The following CNTNAP5 variants were observed in gnomAD, a reference collection of about 807,000 sequenced individuals.
The protein encoded by CNTNAP5 is contactin-associated protein-like 5.
CNTNAP5 carries 72 observed loss-of-function variants against 150.2 expected under a neutral mutation model. The observed-to-expected ratio is 0.48, with a 90% CI of 0.40 to 0.58. The LOEUF (loss-of-function observed/expected upper bound fraction) is 0.58, where lower values mean the gene tolerates loss of function less well. Ranked by LOEUF, CNTNAP5 falls within the 20% of genes least tolerant of loss-of-function variation. CNTNAP5 has a pLI of 0.00. For synonymous variants in CNTNAP5, 672 were observed against 619.8 expected, an observed-to-expected ratio of 1.08 and a Z score of -1.25; for missense variants, 1,636 against 1,626.2, an observed-to-expected ratio of 1.01 and a Z score of -0.10.
At chr2:124,716,186 T>A (rs891683420) in intron 13 of CNTNAP5, among the ~76,000 whole-genome samples, 2 of 152,088 alleles carry the variant, frequency 1.3e-5, no homozygotes, top group South Asian at 4.1e-4. Flanking sequence ...TATGAAAAAA[T>A]GATTCGTGCA....
chr2:124,657,492 A>T (rs999325931), intron 13 of CNTNAP5, among the ~76,000 whole-genome samples: 4 of 152,020 alleles, frequency 2.6e-5, no homozygotes, highest in Non-Finnish European at 5.9e-5. Context: ...TCTCCTCACC[A>T]TACTAGACAA....
At chr2:124,836,544 T>A (rs1682833218) in intron 19 of CNTNAP5, among the ~76,000 whole-genome samples, 1 of 152,086 alleles carries the variant, frequency 6.6e-6, no homozygotes, top group Admixed American at 6.6e-5. Context: ...TTACTCATAG[T>A]GGCTATCATG....
intron 3 of CNTNAP5, among the ~76,000 whole-genome samples, chr2:124,379,830 G>A (rs1365199801): frequency 2.0e-5 from 3 of 152,086 alleles, no homozygotes; most frequent in Non-Finnish European, 4.4e-5. Flanking sequence ...GTAGATGGTA[G>A]CATAACCTAT....
At chr2:124,543,480 C>T (rs1875784) in intron 10 of CNTNAP5, among the ~76,000 whole-genome samples, 63,364 of 151,902 alleles carry the variant, frequency 0.42, 13,699 homozygotes, top group East Asian at 0.64. Flanking sequence ...GAGTAGTGAA[C>T]GCTTGTAAAG....
At chr2:124,368,541 G>A (rs1449048055) in intron 3 of CNTNAP5, among the ~76,000 whole-genome samples, 3 of 152,094 alleles carry the variant, frequency 2.0e-5, no homozygotes, top group African/African-American at 4.8e-5. Context: ...TTAGAAGTTA[G>A]TCTATAATAA....
chr2:124,296,524 A>G (rs910784251), intron 3 of CNTNAP5, among the ~76,000 whole-genome samples: 1 of 152,078 alleles, frequency 6.6e-6, no homozygotes, highest in African/African-American at 2.4e-5. Flanking sequence ...CCTCTTATAC[A>G]TGTACACTCC....
chr2:124,579,042 G>T (rs929203136), intron 11 of CNTNAP5, among the ~76,000 whole-genome samples: 1 of 152,144 alleles, frequency 6.6e-6, no homozygotes, highest in African/African-American at 2.4e-5. Flanking sequence ...CTTGATAGAT[G>T]GGAGATGAAG....
chr2:124,642,258 C>T (rs1356609141), intron 12 of CNTNAP5, among the ~76,000 whole-genome samples: 1 of 151,996 alleles, frequency 6.6e-6, no homozygotes, highest in East Asian at 1.9e-4. Flanking sequence ...CTTTGTACAG[C>T]CTCTTTTTCT....
chr2:124,521,068 G>A (rs541368212), intron 8 of CNTNAP5, among the ~76,000 whole-genome samples: 6 of 152,274 alleles, frequency 3.9e-5, no homozygotes, highest in South Asian at 2.1e-4. Flanking sequence ...TCTCCTGGGC[G>A]GGTCCCAATT....
intron 3 of CNTNAP5, among the ~76,000 whole-genome samples, chr2:124,355,201 G>A (rs1212850141): frequency 6.6e-6 from 1 of 152,040 alleles, no homozygotes; most frequent in Non-Finnish European, 1.5e-5. Context: ...GGGGATAAAT[G>A]TTCCACAGTG....
At chr2:124,420,779 C>T (rs1468089659) in intron 4 of CNTNAP5, among the ~76,000 whole-genome samples, 3 of 152,124 alleles carry the variant, frequency 2.0e-5, no homozygotes, top group African/African-American at 4.8e-5. Flanking sequence ...GATGGCCCGC[C>T]CTATGTACTT....
intron 3 of CNTNAP5, among the ~76,000 whole-genome samples, chr2:124,384,133 C>G (rs2104741004): frequency 6.6e-6 from 1 of 152,152 alleles, no homozygotes. Flanking sequence ...AGATTGTAGT[C>G]AAACCTGTAT....
chr2:124,734,106 CTTTTT>C (rs1680331246), intron 13 of CNTNAP5, among the ~76,000 whole-genome samples: 2 of 152,012 alleles, frequency 1.3e-5, no homozygotes, highest in Admixed American at 1.3e-4. Context: ...AGAACCAAGA[CTTTTT>C]AGGCATTTGT....
rs543795538 is a variant in CNTNAP5 at position 124,914,312 on chromosome 2, C to T, written c.*24C>T. On this transcript the variant is annotated 3_prime_UTR_variant, in exon 24 of 24. Transcript: ENST00000682447. The stretch of plus-strand genomic sequence containing the variant: ...GAGAAACTGCAGGGTTCCTACTACT[C>T]TTTTTTCTTGTTGTTCAATTATCTC... 1.9e-6 allele frequency: 3 copies of T among 1,550,056 alleles called. No homozygotes were observed. In the East Asian group the frequency reaches 6.8e-5, roughly 35 times the overall value.
chr2:124,354,408 A>T (rs910923615), intron 3 of CNTNAP5, among the ~76,000 whole-genome samples: 1 of 150,640 alleles, frequency 6.6e-6, no homozygotes, highest in African/African-American at 2.4e-5. Flanking sequence ...AATGTATTGG[A>T]CCTGCCATAA....
chr2:124,405,400 G>A (rs1044420276), intron 3 of CNTNAP5, among the ~76,000 whole-genome samples: 2 of 152,130 alleles, frequency 1.3e-5, no homozygotes, highest in African/African-American at 2.4e-5. Context: ...CCTTGAAAAC[G>A]GTAGCTATGA....
In CNTNAP5 at chr2:124,653,926, C is replaced by A. The variant is rs926175174; in HGVS notation, c.2077+5968C>A. 2.3e-3 allele frequency among the ~76,000 whole-genome samples: 327 copies of A among 143,488 alleles called. 1 individual carries two copies. Among genetic ancestry groups the A allele is most frequent in the Non-Finnish European group, 4.1e-3 (269 of 64,932 alleles). 94.1% of individuals were successfully genotyped at this position (143,488 alleles called of 152,430 possible). ...ACTGCCCCCAACCCCCCCCCCCCGC[C>A]ACACACACACAATCAGTGCATGTTG... On this transcript the variant is annotated intron_variant, in intron 13 of 23. Coordinates refer to ENST00000682447, the MANE Select transcript of CNTNAP5 (RefSeq NM_001367498.1).
At chr2:124,886,679 T>C (rs1678087557) in intron 21 of CNTNAP5, among the ~76,000 whole-genome samples, 1 of 152,060 alleles carries the variant, frequency 6.6e-6, no homozygotes, top group African/African-American at 2.4e-5. Flanking sequence ...TGATGATATT[T>C]ACAGTTAAAA....
chr2:124,696,993 TAC>T (rs1322523516), intron 13 of CNTNAP5, among the ~76,000 whole-genome samples: 1 of 152,174 alleles, frequency 6.6e-6, no homozygotes, highest in African/African-American at 2.4e-5. Flanking sequence ...TGCATGAGAA[TAC>T]AGTGTCTCAG....
Sources: allele counts gnomAD v4.1 joint callset (sites outside exome capture counted in the v4.1 genomes callset), GRCh38; gene constraint gnomAD v4.1.1; transcripts MANE v1.5; gene names NCBI Gene and HGNC (gene_info 2026-07-23, HGNC 2026-07-21).